PRIM1: variants seen among roughly 807,000 people sequenced by gnomAD.
PRIM1 encodes the protein DNA primase small subunit.
PRIM1 carries 38 observed loss-of-function variants against 60.2 expected under a neutral mutation model. That is an observed-to-expected ratio of 0.63 (90% CI 0.49 to 0.83). The LOEUF (loss-of-function observed/expected upper bound fraction) is 0.83, where lower values mean the gene tolerates loss of function less well. PRIM1 is among the 40% of genes least tolerant of loss of function. PRIM1 has a pLI of 0.00. For synonymous variants in PRIM1, 158 were observed against 160.2 expected (o/e 0.99, Z 0.10); for missense variants, 388 against 506.2 (o/e 0.77, Z 2.24).
Position 56,747,052 on chromosome 12 carries a change from A to G in PRIM1, c.262-20T>C, listed in dbSNP as rs1400557606. The G allele has an allele frequency of 6.4e-6, 10 of 1,570,210 alleles. No individual in the cohort carries two copies. Among genetic ancestry groups the G allele is most frequent in the Non-Finnish European group, 8.7e-6 (10 of 1,145,104 alleles). ...ATTGGGCTACAGATACAAAATATTG[A>G]TCAGTTTCTATAAGAGCTGCCACAC... On this transcript the variant is annotated intron_variant, in intron 2 of 12. Coordinates refer to ENST00000338193, the MANE Select transcript of PRIM1 (RefSeq NM_000946.3).
At chr12:56,747,159 C>G (rs1458891643) in intron 2 of PRIM1, 127 bp from the exon 3 acceptor site, 2 of 684,326 alleles carry the variant, frequency 2.9e-6, no homozygotes, top group Middle Eastern at 3.6e-4. Flanking sequence ...AACTTTATGA[C>G]AGTGAAAGTT....
At chr12:56,743,483 T>C (rs1195621913) in intron 6 of PRIM1, 2 of 160,160 alleles carry the variant, frequency 1.2e-5, no homozygotes, top group African/African-American at 4.8e-5. Flanking sequence ...AACAATCATA[T>C]AATGTTTGCA....
intron 9 of PRIM1, among the ~76,000 whole-genome samples, chr12:56,740,381 CAT>C (rs11468033): frequency 0.58 from 88,309 of 151,644 alleles, 26,812 homozygotes; most frequent in South Asian, 0.74. Context: ...CAGATACCCA[CAT>C]GTCAGACACC....
rs1419970838 is a variant in PRIM1 at position 56,744,047 on chromosome 12, G to A, written c.638+18C>T. 6.5e-7 allele frequency: 1 copy of A among 1,548,448 alleles called. No individual in the cohort carries two copies. Among genetic ancestry groups the A allele is most frequent in the Non-Finnish European group, 8.8e-7 (1 of 1,137,760 alleles). On this transcript the variant is annotated intron_variant, in intron 6 of 12. Transcript: ENST00000338193. ...TAAATCAGACACCTTAAAGTGCTTG[G>A]AGACTTTTCCAACAGACCTGATAAA...
At chr12:56,744,165 A>G in intron 5 of PRIM1, 42 bp from the exon 6 acceptor site, 1 of 1,385,864 alleles carries the variant, frequency 7.2e-7, no homozygotes, top group Non-Finnish European at 1.0e-6. Flanking sequence ...GGTATACAAT[A>G]TAAATACAGT....
intron 12 of PRIM1, among the ~76,000 whole-genome samples, 175 bp downstream of exon 12, chr12:56,733,972 T>G (rs1953803920): frequency 6.6e-6 from 1 of 152,198 alleles, no homozygotes; most frequent in African/African-American, 2.4e-5. Context: ...TAGAATGTGT[T>G]TAATAACTAT....
In PRIM1 at chr12:56,746,478, A is replaced by C. The variant is rs908755233; in HGVS notation, c.443-297T>G. 5 of 567,632 alleles carry C rather than the reference A, an allele frequency of 8.8e-6. No homozygotes were observed. In the East Asian group the frequency reaches 1.0e-4, roughly 12 times the overall value. The allele number at this position is 567,632 out of a possible 1,614,324, so 35.2% of individuals were successfully genotyped here. On this transcript the variant is annotated intron_variant, in intron 4 of 12. Coordinates refer to ENST00000338193, the MANE Select transcript of PRIM1 (RefSeq NM_000946.3). Reference sequence around the variant, plus strand: ...AAACGCTGCCTCTACTAAAAATACAAAAATTAACTGGGCGTGGTGGCGTGC... The same window carrying C: ...AAACGCTGCCTCTACTAAAAATACACAAATTAACTGGGCGTGGTGGCGTGC...
At chr12:56,734,616 T>G (rs1318307880) in intron 11 of PRIM1, among the ~76,000 whole-genome samples, 1 of 150,462 alleles carries the variant, frequency 6.6e-6, no homozygotes, top group African/African-American at 2.4e-5. Context: ...ACTCTGTTGC[T>G]CAGGCTAGTC....
rs1209961856 is a variant in PRIM1 at position 56,752,313 on chromosome 12, G to A, written c.-15C>T. 1 of 1,540,478 alleles carries A rather than the reference G, an allele frequency of 6.5e-7. No individual in the cohort carries two copies. The highest frequency in any genetic ancestry group is 1.9e-5 in the Admixed American group (1 of 52,008). On this transcript the variant is annotated 5_prime_UTR_variant, in exon 1 of 13. Coordinates refer to ENST00000338193, the MANE Select transcript of PRIM1 (RefSeq NM_000946.3). ...AACGTCTCCATTGAGCGCGGAACTC[G>A]CCACGGTAAGGATTACCACAGGAAT...
chr12:56,749,195 GAC>G (rs779733465), intron 2 of PRIM1, among the ~76,000 whole-genome samples: 1 of 152,104 alleles, frequency 6.6e-6, no homozygotes, highest in Non-Finnish European at 1.5e-5. Context: ...TTTTGGTAGA[GAC>G]AGAGTTTTAC....
chr12:56,732,890 T>C (rs577421229), intron 12 of PRIM1, among the ~76,000 whole-genome samples: 1 of 152,126 alleles, frequency 6.6e-6, no homozygotes, highest in Non-Finnish European at 1.5e-5. Flanking sequence ...TGTCTTGCTC[T>C]GTTGCCCAGG....
chr12:56,747,754 A>C (rs2137868042), intron 2 of PRIM1, among the ~76,000 whole-genome samples: 1 of 152,246 alleles, frequency 6.6e-6, no homozygotes, highest in Non-Finnish European at 1.5e-5. Flanking sequence ...CAAAAAAAAG[A>C]ACCTGAGAGG....
chr12:56,736,535 ACT>A lies in PRIM1; in HGVS notation c.1144+1897_1144+1898del, dbSNP rs1436746347. On this transcript the variant is annotated intron_variant, in intron 11 of 12. Transcript: ENST00000338193. ...TTTTTTTTTTTTGAGACGAAGTCTC[ACT>A]CTGTTTCCCAGGCTGGAGTGCAGTG... 3.3e-5 allele frequency among the ~76,000 whole-genome samples: 5 copies of A among 151,238 alleles called. No homozygotes were observed. The East Asian group carries it at 7.8e-4, about 24-fold the overall frequency.
At chr12:56,740,292 GAGTT>G (rs1197196548) in intron 9 of PRIM1, among the ~76,000 whole-genome samples, 10 of 151,964 alleles carry the variant, frequency 6.6e-5, no homozygotes, top group Admixed American at 1.3e-4. Flanking sequence ...AACAATCTCA[GAGTT>G]AGTGAGTCCT....
chr12:56,735,270 T>A (rs1953818667), intron 11 of PRIM1, among the ~76,000 whole-genome samples: 1 of 151,888 alleles, frequency 6.6e-6, no homozygotes, highest in South Asian at 2.1e-4. Context: ...GGCTAAGTTT[T>A]TGTATTTTTA....
intron 1 of PRIM1, among the ~76,000 whole-genome samples, chr12:56,751,966 GTTTTTTTTTTTTTT>G (rs66861394): frequency 1.3e-5 from 1 of 79,364 alleles, no homozygotes; most frequent in African/African-American, 5.2e-5. Context: ...CGGCGGCTCT[GTTTTTTTTTTTTTT>G]TTTTTTTTTT....
chr12:56,749,482 AG>A (rs1306333025), intron 2 of PRIM1, among the ~76,000 whole-genome samples: 1 of 152,244 alleles, frequency 6.6e-6, no homozygotes, highest in Non-Finnish European at 1.5e-5. Flanking sequence ...ATTAAGGAGA[AG>A]GAAGTAGAGA....
Position 56,743,090 on chromosome 12 carries a change from A to T in PRIM1, c.645T>A (p.Ser215=), listed in dbSNP as rs754675316. The change falls in exon 7 of 13, where the codon TCT becomes TCA. Residue 215 remains serine, a synonymous_variant. Coordinates refer to ENST00000338193, the MANE Select transcript of PRIM1 (RefSeq NM_000946.3). ...SEKIHPFIRK[S]INIIKKYFEE... is the part of the protein sequence containing the mutation. Reference sequence around the variant, plus strand: ...CAAAGTATTTTTTTATTATGTTTATAGATTTTCTGTAAGAACAACAATAAC... The same window carrying T: ...CAAAGTATTTTTTTATTATGTTTATTGATTTTCTGTAAGAACAACAATAAC... 6.6e-6 allele frequency: 10 copies of T among 1,520,500 alleles called. No homozygotes were observed. Among genetic ancestry groups the T allele is most frequent in the Non-Finnish European group, 8.8e-6 (10 of 1,138,254 alleles). The allele number at this position is 1,520,500 out of a possible 1,614,324, so 94.2% of individuals were successfully genotyped here.
At chr12:56,734,088 G>T in intron 12 of PRIM1, 59 bp downstream of exon 12, 1 of 1,192,270 alleles carries the variant, frequency 8.4e-7, no homozygotes, top group Non-Finnish European at 1.2e-6. Flanking sequence ...CTCAAAAATT[G>T]CTCATTTCTA....
Sources: allele counts gnomAD v4.1 joint callset (sites outside exome capture counted in the v4.1 genomes callset), GRCh38; gene constraint gnomAD v4.1.1; transcripts MANE v1.5; gene names NCBI Gene and HGNC (gene_info 2026-07-23, HGNC 2026-07-21).